Variants in SLC35F1 observed in about 807,000 individuals in gnomAD.
The protein encoded by SLC35F1 is chromosome 6 open reading frame 169.
SLC35F1 carries 14 observed loss-of-function variants against 48.7 expected under a neutral mutation model. The ratio of observed to expected loss-of-function variants is 0.29; its 90% CI spans 0.19 to 0.45. The LOEUF is 0.45. Ranked by LOEUF, SLC35F1 falls within the 20% of genes least tolerant of loss-of-function variation. SLC35F1 has a pLI of 1.00. For missense variants in SLC35F1, 404 were observed against 500.0 expected (o/e 0.81, Z 1.83); for synonymous variants, 190 against 202.2 (o/e 0.94, Z 0.51).
intron 1 of SLC35F1, among the ~76,000 whole-genome samples, chr6:118,053,948 CTG>C (rs1772426850): frequency 6.6e-6 from 1 of 152,076 alleles, no homozygotes; most frequent in South Asian, 2.1e-4. Context: ...CAATATATTT[CTG>C]TGTTATGCCA....
chr6:118,171,814 AGT>A (rs149182162), intron 2 of SLC35F1, among the ~76,000 whole-genome samples: 2,670 of 152,300 alleles, frequency 0.018, 84 homozygotes, highest in African/African-American at 0.06. Context: ...TTGGTGTAAG[AGT>A]GTGTCCCAGT....
At chr6:118,287,156 G>A (rs76862282) in intron 7 of SLC35F1, among the ~76,000 whole-genome samples, 2,236 of 152,140 alleles carry the variant, frequency 0.015, 65 homozygotes, top group African/African-American at 0.048. Flanking sequence ...TATTCCTCTC[G>A]TGCTGCTCCT....
chr6:118,130,881 A>G (rs1773700054), intron 1 of SLC35F1, among the ~76,000 whole-genome samples: 2 of 152,186 alleles, frequency 1.3e-5, no homozygotes, highest in Non-Finnish European at 2.9e-5. Flanking sequence ...AGGAAGGGAG[A>G]AATGATGTAA....
intron 1 of SLC35F1, among the ~76,000 whole-genome samples, chr6:118,071,000 A>ATATATATTCTACG (rs1772703182): frequency 2.7e-4 from 2 of 7,416 alleles, no homozygotes; most frequent in African/African-American, 8.9e-4. Context: ...ACGTGTGTGT[A>ATATATATTCTACG]TATATATACA....
At chr6:118,166,836 G>A (rs1025646946) in intron 2 of SLC35F1, among the ~76,000 whole-genome samples, 6 of 152,172 alleles carry the variant, frequency 3.9e-5, no homozygotes, top group African/African-American at 1.4e-4. Context: ...TCTCTTAACT[G>A]AAGGAGCCAA....
chr6:118,029,954 G>A (rs1228100235), intron 1 of SLC35F1, among the ~76,000 whole-genome samples: 1 of 152,168 alleles, frequency 6.6e-6, no homozygotes, highest in Non-Finnish European at 1.5e-5. Flanking sequence ...CAAGGGAAGA[G>A]AGAAGTAATG....
intron 1 of SLC35F1, among the ~76,000 whole-genome samples, chr6:117,957,239 AT>A (rs960546003): frequency 1.3e-5 from 2 of 151,908 alleles, no homozygotes; most frequent in Admixed American, 6.6e-5. Context: ...ATTGATTCTA[AT>A]TTTTTTTGGT....
chr6:118,096,015 CCATGTGAGA>C (rs1773171515), intron 1 of SLC35F1, among the ~76,000 whole-genome samples: 1 of 152,084 alleles, frequency 6.6e-6, no homozygotes, highest in East Asian at 1.9e-4. Context: ...AGAATGTGAG[CCATGTGAGA>C]GGCATAATAT....
At chr6:118,138,598 G>A (rs1328678935) in intron 1 of SLC35F1, among the ~76,000 whole-genome samples, 1 of 152,128 alleles carries the variant, frequency 6.6e-6, no homozygotes, top group Non-Finnish European at 1.5e-5. Flanking sequence ...TCTGAAGTGT[G>A]CTTGAAAAAT....
At chr6:118,276,607 A>G (rs986640046) in intron 5 of SLC35F1, among the ~76,000 whole-genome samples, 6 of 152,224 alleles carry the variant, frequency 3.9e-5, no homozygotes, top group South Asian at 4.1e-4. Flanking sequence ...ATGGCATTTT[A>G]AAGCTCCTAA....
intron 1 of SLC35F1, among the ~76,000 whole-genome samples, chr6:118,074,497 T>C (rs1455954206): frequency 6.6e-6 from 1 of 152,180 alleles, no homozygotes; most frequent in Non-Finnish European, 1.5e-5. Context: ...TTGACTTACC[T>C]GATATTATTT....
chr6:118,062,513 A>G (rs2114276990), intron 1 of SLC35F1, among the ~76,000 whole-genome samples: 1 of 152,326 alleles, frequency 6.6e-6, no homozygotes, highest in Admixed American at 6.5e-5. Flanking sequence ...GTTACAAATA[A>G]TCCAATTATA....
chr6:118,079,652 A>G (rs1772875779), intron 1 of SLC35F1, among the ~76,000 whole-genome samples: 1 of 152,170 alleles, frequency 6.6e-6, no homozygotes, highest in South Asian at 2.1e-4. Context: ...GCTGCCCTCA[A>G]ATATGCTGGT....
intron 1 of SLC35F1, among the ~76,000 whole-genome samples, chr6:118,130,323 C>G (rs917135456): frequency 2.6e-5 from 4 of 152,070 alleles, no homozygotes; most frequent in Non-Finnish European, 5.9e-5. Flanking sequence ...GAGGCGTGTG[C>G]TTCAGTTTCT....
At chr6:118,235,434 A>G (rs750737024) in intron 2 of SLC35F1, 75 bp from the exon 3 acceptor site, 2 of 1,356,758 alleles carry the variant, frequency 1.5e-6, no homozygotes, top group Non-Finnish European at 2.0e-6. Flanking sequence ...GTTGCAACAT[A>G]TTAGAATTCT....
At chr6:117,996,463 G>C (rs1040240059) in intron 1 of SLC35F1, among the ~76,000 whole-genome samples, 3 of 152,134 alleles carry the variant, frequency 2.0e-5, no homozygotes, top group African/African-American at 7.2e-5. Context: ...ATCTGAGAAC[G>C]GGCAGACTGC....
chr6:118,004,758 T>C (rs1777151903), intron 1 of SLC35F1, among the ~76,000 whole-genome samples: 1 of 151,982 alleles, frequency 6.6e-6, no homozygotes, highest in South Asian at 2.1e-4. Flanking sequence ...AGATGAAGTC[T>C]TGATATTTTT....
intron 3 of SLC35F1, among the ~76,000 whole-genome samples, chr6:118,244,686 CT>C (rs1775485124): frequency 6.6e-6 from 1 of 152,182 alleles, no homozygotes; most frequent in Non-Finnish European, 1.5e-5. Flanking sequence ...ACTTTCTACT[CT>C]ATATGATAAT....
At chr6:117,966,389 G>A (rs566893133) in intron 1 of SLC35F1, among the ~76,000 whole-genome samples, 7 of 150,982 alleles carry the variant, frequency 4.6e-5, no homozygotes, top group South Asian at 2.1e-4. Flanking sequence ...TGTAACACTC[G>A]CCGCGAAGAT....
Sources: allele counts gnomAD v4.1 joint callset (sites outside exome capture counted in the v4.1 genomes callset), GRCh38; gene constraint gnomAD v4.1.1; transcripts MANE v1.5; gene names NCBI Gene and HGNC (gene_info 2026-07-23, HGNC 2026-07-21).